PTPN11: variants seen among roughly 807,000 people sequenced by gnomAD.
PTPN11 encodes protein tyrosine phosphatase non-receptor type 11.
In PTPN11, 6 loss-of-function variants were observed where a neutral mutation model predicts 78.8. The observed-to-expected ratio is 0.08, with a 90% CI of 0.04 to 0.15. The LOEUF is 0.15. Among genes scored for constraint, PTPN11 ranks in the 10% least tolerant of loss-of-function variants. The pLI is 1.00. For missense variants in PTPN11, 386 were observed against 744.8 expected, an observed-to-expected ratio of 0.52 and a Z score of 5.61; for synonymous variants, 221 against 263.5, an observed-to-expected ratio of 0.84 and a Z score of 1.56.
intron 10 of PTPN11, 42 bp from the exon 11 acceptor site, chr12:112,486,433 A>G (rs2038676511): frequency 6.4e-7 from 1 of 1,567,372 alleles, no homozygotes; most frequent in Non-Finnish European, 8.8e-7. Context: ...CAACCTCTTG[A>G]TTTATTTAAT....
chr12:112,484,878 A>T (rs1213798402), intron 10 of PTPN11, among the ~76,000 whole-genome samples: 1 of 152,004 alleles, frequency 6.6e-6, no homozygotes, highest in Non-Finnish European at 1.5e-5. Context: ...CAGAGTGCCC[A>T]GTTAAAAATA....
chr12:112,434,396 T>A (rs1257531311), intron 1 of PTPN11, among the ~76,000 whole-genome samples: 1 of 151,824 alleles, frequency 6.6e-6, no homozygotes, highest in African/African-American at 2.4e-5. Context: ...GGTCACAAGA[T>A]CAAGAGATCA....
In PTPN11 at chr12:112,508,939, G is replaced by C. The variant is rs1403336198; in HGVS notation, c.*3147G>C. On this transcript the variant is annotated 3_prime_UTR_variant, in exon 16 of 16. Transcript: ENST00000351677. The stretch of plus-strand genomic sequence containing the variant: ...ATTATTTTTAGAGGTTATTTTATTG[G>C]GGATTTTAAGAACTAATAACATCTT... The C allele has an allele frequency of 6.6e-6, 1 of 152,136 alleles. No individual in the cohort carries two copies. Among genetic ancestry groups the C allele is most frequent in the Non-Finnish European group, 1.5e-5 (1 of 68,038 alleles). The allele number at this position is 152,136 out of a possible 1,614,324, so 9.4% of individuals were successfully genotyped here.
In PTPN11 at chr12:112,482,799, G is replaced by A. The variant is rs1199326180; in HGVS notation, c.1224+594G>A. 6.6e-6 allele frequency among the ~76,000 whole-genome samples: 1 copy of A among 152,158 alleles called. No homozygotes were observed. Among genetic ancestry groups the A allele is most frequent in the Admixed American group, 6.5e-5 (1 of 15,280 alleles). ...GTTTGGCTTTTGGAGGAGGAAGGAG[G>A]GATTCAAGACACATTGTAGAGGTTT... On this transcript the variant is annotated intron_variant, in intron 10 of 15. Coordinates refer to ENST00000351677, the MANE Select transcript of PTPN11 (RefSeq NM_002834.5). This position sits in a 1 kb window ranked among gnomAD's most constrained non-coding sequence, Gnocchi z 4.4.
chr12:112,491,022 C>A (rs576070515), intron 13 of PTPN11, among the ~76,000 whole-genome samples: 1 of 151,868 alleles, frequency 6.6e-6, no homozygotes, highest in African/African-American at 2.4e-5. Flanking sequence ...ATGAAGTGTT[C>A]AGGACCTTTG....
intron 6 of PTPN11, among the ~76,000 whole-genome samples, chr12:112,460,387 T>A (rs1224854423): frequency 6.6e-6 from 1 of 152,242 alleles, no homozygotes; most frequent in African/African-American, 2.4e-5. Flanking sequence ...TATTTTTTAT[T>A]TATAAATATT....
intron 1 of PTPN11, among the ~76,000 whole-genome samples, chr12:112,437,599 CTG>C (rs2037814486): frequency 6.6e-6 from 1 of 152,132 alleles, no homozygotes. Context: ...CCATTGGTCT[CTG>C]TTGTTTTTCT....
chr12:112,439,748 G>A (rs2037851881), intron 1 of PTPN11, among the ~76,000 whole-genome samples: 1 of 150,106 alleles, frequency 6.7e-6, no homozygotes, highest in Non-Finnish European at 1.5e-5. Flanking sequence ...GGGATTACAG[G>A]TGTGAGCCAC....
At chr12:112,476,783 A>AAACAAC (rs551927271) in intron 7 of PTPN11, among the ~76,000 whole-genome samples, 7 of 152,008 alleles carry the variant, frequency 4.6e-5, no homozygotes, top group African/African-American at 9.7e-5. Flanking sequence ...AATAAATTTA[A>AAACAAC]AACAACAACA....
At chr12:112,442,717 G>T (rs1460460123) in intron 1 of PTPN11, among the ~76,000 whole-genome samples, 5 of 149,942 alleles carry the variant, frequency 3.3e-5, no homozygotes, top group African/African-American at 1.2e-4. Context: ...CTCCCAAAGT[G>T]CTGGGATTAC....
chr12:112,433,563 T>C (rs1836645171), intron 1 of PTPN11, among the ~76,000 whole-genome samples: 1 of 152,194 alleles, frequency 6.6e-6, no homozygotes, highest in South Asian at 2.1e-4. Flanking sequence ...TTATTTGTAA[T>C]AACAAAAAAC....
intron 3 of PTPN11, 142 bp from the exon 4 acceptor site, chr12:112,453,053 G>C: frequency 1.4e-6 from 1 of 723,880 alleles, no homozygotes; most frequent in Non-Finnish European, 2.3e-6. Flanking sequence ...TTCTGTCTCA[G>C]GTGGGATTGA....
At chr12:112,472,556 C>T (rs1014849233) in intron 6 of PTPN11, among the ~76,000 whole-genome samples, 24 of 146,358 alleles carry the variant, frequency 1.6e-4, no homozygotes, top group Non-Finnish European at 3.3e-4. Flanking sequence ...TTTTTTGAGA[C>T]GGAGTCTCGC....
chr12:112,435,647 GTTTTT>G (rs552552504), intron 1 of PTPN11, among the ~76,000 whole-genome samples: 2 of 135,714 alleles, frequency 1.5e-5, no homozygotes, highest in African/African-American at 5.3e-5. Context: ...TAGGATTAAG[GTTTTT>G]TTTTTTTTTT....
rs201247699 is a variant in PTPN11, at chr12:112,486,476, G to C, written c.1226G>C (p.Gly409Ala). Reference sequence around the variant, plus strand: ...TGGTTTTTCTTGGCTCTACTCCAGGGGAATACGGAGAGAACGGTCTGGCAA... The same window carrying C: ...TGGTTTTTCTTGGCTCTACTCCAGGCGAATACGGAGAGAACGGTCTGGCAA... The part of the protein sequence containing the change: ...RELKLSKVGQ[G>A]NTERTVWQYH... Residue 409 changes from glycine to alanine, a missense_variant and splice_region_variant, in exon 11 of 16, where the codon GGG (glycine) becomes GCG (alanine). Gly to Ala is a moderately conservative substitution (Grantham distance 60). This residue lies in a region of PTPN11 where 279 missense variants were observed against 503.3 expected (regional missense o/e 0.55). Transcript: ENST00000351677. 50 of 1,613,648 alleles carry C rather than the reference G, an allele frequency of 3.1e-5. No individual in the cohort carries two copies. Among genetic ancestry groups the C allele is most frequent in the Non-Finnish European group, 4.2e-5 (50 of 1,179,638 alleles).
chr12:112,442,593 A>T (rs2037910718), intron 1 of PTPN11, among the ~76,000 whole-genome samples: 1 of 151,442 alleles, frequency 6.6e-6, no homozygotes, highest in Non-Finnish European at 1.5e-5. Flanking sequence ...TTGGGACTAT[A>T]GGCGCTTGCC....
chr12:112,488,131 A>C (rs1016577767), intron 11 of PTPN11, among the ~76,000 whole-genome samples: 2 of 151,924 alleles, frequency 1.3e-5, no homozygotes, highest in African/African-American at 2.4e-5. Context: ...TTCCTGTTTC[A>C]TTCTGTCCAA....
At chr12:112,464,184 C>G (rs181767887) in intron 6 of PTPN11, among the ~76,000 whole-genome samples, 17 of 152,296 alleles carry the variant, frequency 1.1e-4, no homozygotes, top group African/African-American at 4.1e-4. Context: ...TGCCTGTCTC[C>G]TGGTGTTCTG....
chr12:112,472,084 G>A (rs1343808970), intron 6 of PTPN11, among the ~76,000 whole-genome samples: 1 of 151,950 alleles, frequency 6.6e-6, no homozygotes, highest in Non-Finnish European at 1.5e-5. Flanking sequence ...AGGTAATCCT[G>A]AAGTGCTAGG....
Sources: gnomAD v4.1 joint callset for allele counts (sites outside exome capture counted in the v4.1 genomes callset) on GRCh38, gnomAD v4.1.1 for gene constraint, gnomAD v4.1.1 regional missense constraint, Gnocchi (gnomAD v3.1) non-coding constraint, MANE v1.5 for transcripts, NCBI Gene and HGNC (gene_info 2026-07-23, HGNC 2026-07-21) for gene names.